TECPR2: variants seen among roughly 807,000 people sequenced by gnomAD.
TECPR2 encodes tectonin beta-propeller repeat-containing protein 2.
A neutral mutation model predicts 138.1 loss-of-function variants in TECPR2; 65 were observed. The ratio of observed to expected loss-of-function variants is 0.47; its 90% CI spans 0.39 to 0.58. TECPR2 has a LOEUF of 0.58. Among genes scored for constraint, TECPR2 ranks in the 20% least tolerant of loss-of-function variants. TECPR2 has a pLI of 0.00. For synonymous variants in TECPR2, 746 were observed against 749.8 expected (o/e 0.99, Z 0.08); for missense variants, 1,553 against 1,824.5 (o/e 0.85, Z 2.71).
chr14:102,407,496 A>C (rs754778595), intron 3 of TECPR2, 30 bp downstream of exon 3: 1 of 1,563,726 alleles, frequency 6.4e-7, no homozygotes, highest in East Asian at 2.3e-5. Flanking sequence ...ACACGTGTTA[A>C]CTTCTTGGCA....
intron 17 of TECPR2, among the ~76,000 whole-genome samples, chr14:102,487,469 A>G (rs73351396): frequency 0.028 from 4,294 of 152,320 alleles, 189 homozygotes; most frequent in African/African-American, 0.098. Flanking sequence ...GATAAAAGCT[A>G]TGATAAAAGC....
At chr14:102,484,913 C>T (rs1595148043) in intron 17 of TECPR2, among the ~76,000 whole-genome samples, 1 of 152,372 alleles carries the variant, frequency 6.6e-6, no homozygotes, top group East Asian at 1.9e-4. Context: ...TCTGCCTCGG[C>T]TTCCCAAAGT....
chr14:102,433,634 C>A (rs1391544561), intron 8 of TECPR2, among the ~76,000 whole-genome samples: 3 of 152,000 alleles, frequency 2.0e-5, no homozygotes, highest in Non-Finnish European at 4.4e-5. Context: ...AATTCTCCTG[C>A]CTCAGCCTCC....
At chr14:102,421,754 A>G (rs1889190533) in intron 5 of TECPR2, among the ~76,000 whole-genome samples, 1 of 152,104 alleles carries the variant, frequency 6.6e-6, no homozygotes, top group Non-Finnish European at 1.5e-5. Context: ...TTAATTCCTC[A>G]CTTCAGCCTT....
intron 2 of TECPR2, among the ~76,000 whole-genome samples, chr14:102,405,819 T>C (rs1196571674): frequency 6.6e-6 from 1 of 152,158 alleles, no homozygotes; most frequent in African/African-American, 2.4e-5. Context: ...AAATGTAGTA[T>C]GTACATACAA....
At position 102,498,773 on chromosome 14, in the gene TECPR2, C is replaced by T; in HGVS notation, c.*516C>T. 2.0e-6 allele frequency: 1 copy of T among 500,274 alleles called. No homozygotes were observed. Among genetic ancestry groups the T allele is most frequent in the Non-Finnish European group, 3.9e-6 (1 of 257,044 alleles). 31.0% of individuals were successfully genotyped at this position (500,274 alleles called of 1,614,324 possible). A position where few individuals can be genotyped will look rare whatever the true frequency, so the allele number is the denominator to read the frequency against. On this transcript the variant is annotated 3_prime_UTR_variant, in exon 20 of 20. Coordinates refer to ENST00000359520, the MANE Select transcript of TECPR2 (RefSeq NM_014844.5). ...AGAGACAAAGCTGCAGAGCACATTC[C>T]ATGCCAGACGCTCTGGCCAGGAAGC...
chr14:102,445,949 T>A lies in TECPR2; in HGVS notation c.3075+2T>A. 1 of 1,613,760 alleles carries A rather than the reference T, an allele frequency of 6.2e-7. No individual in the cohort carries two copies. The highest frequency in any genetic ancestry group is 8.5e-7 in the Non-Finnish European group (1 of 1,179,846). On this transcript the variant is annotated splice_donor_variant, in intron 13 of 19. Transcript: ENST00000359520. LOFTEE classifies it high-confidence loss of function. ...GGAGATGACGACCATTGGTGGCAAGTAGGTGTTCAGCTCTGCGCCACGTGC... is the reference window on the plus strand; with the variant it reads ...GGAGATGACGACCATTGGTGGCAAGAAGGTGTTCAGCTCTGCGCCACGTGC...
rs1453748377 is a variant in TECPR2, at chr14:102,482,750, T to C, written c.3790-14229T>C. Among the ~76,000 whole-genome samples the C allele has an allele frequency of 3.3e-5, 5 of 152,170 alleles. 1 individual carries two copies. Among genetic ancestry groups the C allele is most frequent in the African/African-American group, 1.2e-4 (5 of 41,446 alleles). ...ACCTTGCTGGATATAGCAGTCTAGG[T>C]TGGAAACCATTTTCCTTTAGGATTT... On this transcript the variant is annotated intron_variant, in intron 17 of 19. Transcript: ENST00000359520.
chr14:102,369,708 G>A lies in TECPR2; in HGVS notation c.-73+6592G>A, dbSNP rs909829555. Among the ~76,000 whole-genome samples, 13 of 152,108 alleles carry A rather than the reference G, an allele frequency of 8.5e-5. No individual in the cohort carries two copies. The South Asian group carries it at 2.1e-3, about 24-fold the overall frequency. On this transcript the variant is annotated intron_variant, in intron 1 of 19. Coordinates refer to ENST00000359520, the MANE Select transcript of TECPR2 (RefSeq NM_014844.5). ...TGTAATCCCAGCACTTTGGGAGGCC[G>A]AGGCGGGTGGATCACAAGATCAGGA...
intron 2 of TECPR2, among the ~76,000 whole-genome samples, chr14:102,384,685 AT>A (rs555300180): frequency 0.04 from 5,455 of 134,706 alleles, 117 homozygotes; most frequent in Middle Eastern, 0.09. Context: ...TCAAAAAAAA[AT>A]ATATATATAT....
rs2295975 is a variant in TECPR2 at position 102,452,464 on chromosome 14, G to A, written c.3477G>A (p.Arg1159=). 173 of 1,613,564 alleles carry A rather than the reference G, an allele frequency of 1.1e-4. No homozygotes were observed. The East Asian group carries it at 3.7e-3, about 35-fold the overall frequency. The change falls in exon 16 of 20, where the codon CGG becomes CGA. Residue 1159 remains arginine (R), a synonymous_variant. Transcript: ENST00000359520. ...TCAGCGCCCAGAGCGCACAGTCGCG[G>A]CCCTCCACGGTGCAGCTGCCTCCCG... ...CSVSAQSAQS[R]PSTVQLPPEA...
chr14:102,432,172 T>G, intron 8 of TECPR2, 44 bp downstream of exon 8: 1 of 1,447,400 alleles, frequency 6.9e-7, no homozygotes, highest in East Asian at 2.5e-5. Context: ...GTTACAGTCT[T>G]TCCAGATTCT....
intron 17 of TECPR2, among the ~76,000 whole-genome samples, chr14:102,493,340 G>T (rs1891199027): frequency 6.6e-6 from 1 of 151,670 alleles, no homozygotes; most frequent in African/African-American, 2.4e-5. Flanking sequence ...TCCGAGTGGG[G>T]AAGGCGGGAG....
chr14:102,372,638 G>T (rs967636568), intron 1 of TECPR2, among the ~76,000 whole-genome samples: 4 of 152,132 alleles, frequency 2.6e-5, no homozygotes, highest in African/African-American at 9.7e-5. Flanking sequence ...ATCCCAGCAA[G>T]TCTGGGCGTG....
In TECPR2 at chr14:102,438,155, G is replaced by T. The variant is rs765981384; in HGVS notation, c.2528G>T (p.Arg843Leu). The change falls in exon 10 of 20, where the codon CGC becomes CTC. Residue 843 changes from arginine to leucine, a missense_variant. By Grantham distance (102) the Arg-to-Leu change is moderately radical. Coordinates refer to ENST00000359520, the MANE Select transcript of TECPR2 (RefSeq NM_014844.5). ...AGCGCGTTGCCGGGCGCCGGGCTGC[G>T]CTGGCAGAAGTTTGAAGATGCTGTC... ...FCSALPGAGLRWQKFEDAVQQ... is the reference protein window; with the variant it reads ...FCSALPGAGLLWQKFEDAVQQ... The T allele has an allele frequency of 1.2e-5, 20 of 1,613,226 alleles. No homozygotes were observed. The South Asian group carries it at 2.0e-4, about 16-fold the overall frequency.
chr14:102,455,235 G>T (rs905348941), intron 16 of TECPR2, among the ~76,000 whole-genome samples: 3 of 152,168 alleles, frequency 2.0e-5, no homozygotes, highest in Non-Finnish European at 4.4e-5. Flanking sequence ...CTGTGGATGG[G>T]CAGGTTTTCA....
In TECPR2 at chr14:102,376,699, G is replaced by T. The variant is rs778199878; in HGVS notation, c.-23G>T. On this transcript the variant is annotated 5_prime_UTR_variant, in exon 2 of 20. Coordinates refer to ENST00000359520, the MANE Select transcript of TECPR2 (RefSeq NM_014844.5). Reference sequence around the variant, plus strand: ...ATAAACATTCCTTTTCCTGCGTGAAGATAGTCTGTGGAAACCTTGGCCATG... The same window carrying T: ...ATAAACATTCCTTTTCCTGCGTGAATATAGTCTGTGGAAACCTTGGCCATG... The T allele has an allele frequency of 1.9e-6, 3 of 1,608,226 alleles. No homozygotes were observed. Among genetic ancestry groups the T allele is most frequent in the Non-Finnish European group, 1.7e-6 (2 of 1,174,770 alleles).
chr14:102,489,783 G>A (rs1891114811), intron 17 of TECPR2, among the ~76,000 whole-genome samples: 1 of 151,684 alleles, frequency 6.6e-6, no homozygotes, highest in African/African-American at 2.4e-5. Context: ...GAGTGTGTCT[G>A]GGTTTTGTCT....
intron 2 of TECPR2, among the ~76,000 whole-genome samples, 159 bp downstream of exon 2, chr14:102,377,099 A>T (rs1436706476): frequency 6.6e-6 from 1 of 152,302 alleles, no homozygotes; most frequent in East Asian, 1.9e-4. Flanking sequence ...GCTGAAGTGG[A>T]ATATAACTAA....
Sources: gnomAD v4.1 joint callset for allele counts (sites outside exome capture counted in the v4.1 genomes callset) on GRCh38, gnomAD v4.1.1 for gene constraint, MANE v1.5 for transcripts, NCBI Gene and HGNC (gene_info 2026-07-23, HGNC 2026-07-21) for gene names.